ABR: variants seen among roughly 807,000 people sequenced by gnomAD.
The protein encoded by ABR is ABR activator of RhoGEF and GTPase.
In ABR, 35 loss-of-function variants were observed where a neutral mutation model predicts 107.2. That is an observed-to-expected ratio of 0.33 (90% confidence interval 0.25 to 0.43). ABR has a LOEUF of 0.43. Ranked by LOEUF, ABR falls within the 20% of genes least tolerant of loss-of-function variation. ABR has a pLI of 1.00. For missense variants in ABR, 815 were observed against 1,115.2 expected (o/e 0.73, Z 3.83); for synonymous variants, 498 against 462.0 (o/e 1.08, Z -1.00).
chr17:1,132,296 T>G (rs1366805617), intron 1 of ABR, among the ~76,000 whole-genome samples: 1 of 151,766 alleles, frequency 6.6e-6, no homozygotes, highest in Non-Finnish European at 1.5e-5. Context: ...TGTTTTGCCC[T>G]CAAATCTGCC....
Position 1,028,445 on chromosome 17 carries a change from GC to G in ABR, c.1792-15282del, listed in dbSNP as rs562567911. ...GACGGGGCTTCTCCATGTTGGCCAG[GC>G]TGGTCTTGGACTCCTGACATCAGGT... On this transcript the variant is annotated intron_variant, in intron 16 of 22. Coordinates refer to ENST00000302538, the MANE Select transcript of ABR (RefSeq NM_021962.5). Among the ~76,000 whole-genome samples the G allele has an allele frequency of 9.2e-5, 14 of 152,234 alleles. No individual in the cohort carries two copies. The South Asian group carries it at 2.9e-3, about 32-fold the overall frequency.
Position 1,058,983 on chromosome 17 carries a change from T to C in ABR, c.1183-116A>G, listed in dbSNP as rs1055116245. The C allele has an allele frequency of 3.4e-6, 5 of 1,457,882 alleles. No individual in the cohort carries two copies. In the African/African-American group the frequency reaches 7.0e-5, roughly 20 times the overall value. The allele number at this position is 1,457,882 out of a possible 1,614,324, so 90.3% of individuals were successfully genotyped here. On this transcript the variant is annotated intron_variant, in intron 10 of 22. Transcript: ENST00000302538. ...TGCTCTTTACATTTTCCGTATTTCGTGATGTTTTGACATCTTGTGGCAGGA... is the reference window on the plus strand; with the variant it reads ...TGCTCTTTACATTTTCCGTATTTCGCGATGTTTTGACATCTTGTGGCAGGA...
intron 1 of ABR, chr17:1,228,741 C>G (rs1254533400): frequency 7.2e-6 from 1 of 138,188 alleles, no homozygotes; most frequent in Admixed American, 7.2e-5. Flanking sequence ...CCCGGCAGCC[C>G]GGGGTGGGGG....
intron 21 of ABR, among the ~76,000 whole-genome samples, chr17:1,009,278 CTGT>C: frequency 7.3e-6 from 1 of 137,266 alleles, no homozygotes; most frequent in African/African-American, 2.7e-5. Context: ...CCCCCCACTG[CTGT>C]CCACCCCCCA....
In ABR at chr17:1,179,751, TCCGAAACCCGAC is replaced by T; in HGVS notation, c.-36_-25del. The T allele has an allele frequency of 8.3e-7, 1 of 1,200,216 alleles. No homozygotes were observed. Among genetic ancestry groups the T allele is most frequent in the Admixed American group, 2.6e-5 (1 of 39,208 alleles). The allele number at this position is 1,200,216 out of a possible 1,614,324, so 74.3% of individuals were successfully genotyped here. On this transcript the variant is annotated 5_prime_UTR_variant, in exon 1 of 23. Coordinates refer to ENST00000302538, the MANE Select transcript of ABR (RefSeq NM_021962.5). The surrounding 1 kb of genome is among the most constrained non-coding windows in gnomAD (Gnocchi z 4.9). ...ATCCCGCGGCGGCGGCTCGGTCAGA[TCCGAAACCCGAC>T]CCTCATCGCGCAACAAAGGAGGGAG...
upstream of ABR, among the ~76,000 whole-genome samples, chr17:1,183,060 C>T (rs183782135): frequency 4.7e-4 from 71 of 152,290 alleles, no homozygotes; most frequent in Non-Finnish European, 9.4e-4. Flanking sequence ...TTAAAGAGTC[C>T]TTCTCCTCCG....
intron 6 of ABR, among the ~76,000 whole-genome samples, chr17:1,077,831 G>T (rs1042108453): frequency 2.6e-5 from 4 of 152,218 alleles, no homozygotes; most frequent in Non-Finnish European, 5.9e-5. Flanking sequence ...GCCGCCTGCT[G>T]CTCCCACAGA....
intron 1 of ABR, among the ~76,000 whole-genome samples, chr17:1,225,044 G>A (rs2043188164): frequency 6.6e-6 from 1 of 151,704 alleles, no homozygotes; most frequent in Non-Finnish European, 1.5e-5. Flanking sequence ...AGCTACTCAG[G>A]AGGCTGAGGC....
intron 18 of ABR, chr17:1,012,482 G>A (rs947536569): frequency 2.4e-5 from 17 of 699,480 alleles, no homozygotes; most frequent in African/African-American, 1.0e-4. Context: ...ACCTTCCAGC[G>A]TTTAGGTGCT....
chr17:1,152,498 G>T (rs2040840310), intron 1 of ABR, among the ~76,000 whole-genome samples: 1 of 149,848 alleles, frequency 6.7e-6, no homozygotes, highest in Admixed American at 6.7e-5. Flanking sequence ...GGCTGAAGCA[G>T]AAGAATCACT....
intron 11 of ABR, 90 bp from the exon 12 acceptor site, chr17:1,058,135 T>TA (rs2033547629): frequency 8.7e-4 from 427 of 492,082 alleles, no homozygotes; most frequent in Non-Finnish European, 1.2e-3. Flanking sequence ...GCTCCTTTTA[T>TA]CTTTTTTTTT....
Position 1,179,399 on chromosome 17 carries a change from C to T in ABR, c.61+268G>A, listed in dbSNP as rs942779485. 6.6e-6 allele frequency among the ~76,000 whole-genome samples: 1 copy of T among 152,100 alleles called. No individual in the cohort carries two copies. The highest frequency in any genetic ancestry group is 1.5e-5 in the Non-Finnish European group (1 of 68,004). ...TCTCGGCTCGGTCCGCCCACGGTCC[C>T]CGCCCCCGGACCGCAGGAATCCTCT... On this transcript the variant is annotated intron_variant, in intron 1 of 22. Coordinates refer to ENST00000302538, the MANE Select transcript of ABR (RefSeq NM_021962.5). This position sits in a 1 kb window ranked among gnomAD's most constrained non-coding sequence, Gnocchi z 4.9.
chr17:1,098,144 C>T (rs2151326445), intron 3 of ABR, among the ~76,000 whole-genome samples: 1 of 151,064 alleles, frequency 6.6e-6, no homozygotes, highest in East Asian at 2.0e-4. Flanking sequence ...GCAATCTCTG[C>T]TCACTGCAAG....
chr17:1,227,771 A>C (rs1369911982), intron 1 of ABR, among the ~76,000 whole-genome samples: 18 of 151,996 alleles, frequency 1.2e-4, no homozygotes, highest in Non-Finnish European at 4.4e-5. Context: ...AGACACAGCA[A>C]AGGGCTCCCA....
intron 2 of ABR, chr17:1,101,056 T>C (rs1419125059): frequency 6.1e-6 from 2 of 328,620 alleles, no homozygotes; most frequent in Non-Finnish European, 1.2e-5. Context: ...ACTCCTGACC[T>C]CAGGTGATCC....
At chr17:1,142,995 A>T (rs200036047) in intron 1 of ABR, among the ~76,000 whole-genome samples, 1 of 123,780 alleles carries the variant, frequency 8.1e-6, no homozygotes, top group Non-Finnish European at 1.7e-5. Context: ...CTCCTGGGGG[A>T]CAGCTCATTC....
chr17:1,198,954 T>C (rs1348911979), intron 1 of ABR, among the ~76,000 whole-genome samples: 1 of 147,926 alleles, frequency 6.8e-6, no homozygotes, highest in African/African-American at 2.5e-5. Context: ...CTTGGGAGGC[T>C]GAGGTAGAAG....
chr17:1,041,456 C>G (rs562072362), intron 16 of ABR, among the ~76,000 whole-genome samples: 1 of 152,046 alleles, frequency 6.6e-6, no homozygotes, highest in African/African-American at 2.4e-5. Context: ...GAAACTTGGC[C>G]GGGTGCGGTG....
intron 12 of ABR, among the ~76,000 whole-genome samples, chr17:1,057,308 T>TTG (rs750525310): frequency 0.011 from 732 of 67,840 alleles, 7 homozygotes; most frequent in Middle Eastern, 0.025. Context: ...CTGAAGAGGT[T>TTG]TGTGTGTGTG....
Sources: allele counts gnomAD v4.1 joint callset (sites outside exome capture counted in the v4.1 genomes callset), GRCh38; gene constraint gnomAD v4.1.1; non-coding constraint Gnocchi (gnomAD v3.1); transcripts MANE v1.5; gene names NCBI Gene and HGNC (gene_info 2026-07-23, HGNC 2026-07-21).